The following THSD7B variants were observed in gnomAD, a reference collection of about 807,000 sequenced individuals.
THSD7B encodes the protein thrombospondin type-1 domain-containing protein 7B.
A neutral mutation model predicts 213.6 loss-of-function variants in THSD7B; 138 were observed. The ratio of observed to expected loss-of-function variants is 0.65; its 90% CI spans 0.56 to 0.74. The LOEUF is 0.74. Among genes scored for constraint, THSD7B ranks in the 30% least tolerant of loss-of-function variants. The pLI is 0.00. For synonymous variants in THSD7B, 742 were observed against 687.0 expected (o/e 1.08, Z -1.25); for missense variants, 1,931 against 1,991.5 (o/e 0.97, Z 0.58).
chr2:137,669,840 T>C (rs1683525966), intron 27 of THSD7B, among the ~76,000 whole-genome samples: 1 of 152,180 alleles, frequency 6.6e-6, no homozygotes, highest in South Asian at 2.1e-4. Context: ...TTTCCTCCAT[T>C]CCCTTCAACC....
At chr2:137,225,268 T>C (rs1311709500) in intron 7 of THSD7B, among the ~76,000 whole-genome samples, 1 of 152,218 alleles carries the variant, frequency 6.6e-6, no homozygotes, top group Non-Finnish European at 1.5e-5. Flanking sequence ...TTTTCTATGT[T>C]GGAAAAGCAT....
intron 15 of THSD7B, among the ~76,000 whole-genome samples, chr2:137,519,924 A>C (rs943455512): frequency 6.6e-6 from 1 of 152,214 alleles, no homozygotes; most frequent in Non-Finnish European, 1.5e-5. Context: ...GCAGCAAGAG[A>C]ATATAAAGTT....
intron 7 of THSD7B, among the ~76,000 whole-genome samples, chr2:137,214,176 C>A (rs1458825696): frequency 6.6e-6 from 1 of 151,930 alleles, no homozygotes; most frequent in Non-Finnish European, 1.5e-5. Context: ...TCTCATATAC[C>A]TTGTTTTTCT....
chr2:137,120,073 G>A (rs1573835232), intron 5 of THSD7B, among the ~76,000 whole-genome samples: 1 of 152,160 alleles, frequency 6.6e-6, no homozygotes, highest in East Asian at 1.9e-4. Context: ...CTGTTTAAGT[G>A]GGCTTATAGC....
At chr2:137,437,112 A>G (rs1159686251) in intron 14 of THSD7B, among the ~76,000 whole-genome samples, 1 of 152,082 alleles carries the variant, frequency 6.6e-6, no homozygotes, top group Admixed American at 6.6e-5. Context: ...CTTTTTTCCC[A>G]GATCATCTTT....
At chr2:137,551,026 A>G (rs186727391) in intron 15 of THSD7B, among the ~76,000 whole-genome samples, 57 of 151,900 alleles carry the variant, frequency 3.8e-4, no homozygotes, top group African/African-American at 1.3e-3. Context: ...TAAATAAATA[A>G]TAAAAAAGCA....
chr2:137,497,647 G>A (rs765186517), intron 15 of THSD7B, among the ~76,000 whole-genome samples: 2 of 151,844 alleles, frequency 1.3e-5, no homozygotes, highest in Non-Finnish European at 2.9e-5. Flanking sequence ...TTTCCCCAAT[G>A]AAGAATTTCC....
At chr2:137,398,475 C>G (rs1244084046) in intron 12 of THSD7B, among the ~76,000 whole-genome samples, 2 of 151,904 alleles carry the variant, frequency 1.3e-5, no homozygotes, top group South Asian at 2.1e-4. Flanking sequence ...TTAGGCTGCT[C>G]GAGGGTCAGG....
intron 14 of THSD7B, among the ~76,000 whole-genome samples, chr2:137,430,018 G>A (rs966277596): frequency 6.6e-6 from 1 of 152,050 alleles, no homozygotes; most frequent in African/African-American, 2.4e-5. Context: ...CTAGGTAGGA[G>A]GATCTCTTGA....
At chr2:137,220,426 G>C (rs147060257) in intron 7 of THSD7B, among the ~76,000 whole-genome samples, 5 of 152,272 alleles carry the variant, frequency 3.3e-5, no homozygotes, top group African/African-American at 1.2e-4. Context: ...CACATGAAAA[G>C]ATGCATCATT....
chr2:137,617,555 C>T (rs182322861), intron 18 of THSD7B, among the ~76,000 whole-genome samples: 10 of 152,222 alleles, frequency 6.6e-5, no homozygotes, highest in East Asian at 3.9e-4. Flanking sequence ...CTTTCTTTCC[C>T]GGAGCATCTC....
chr2:137,456,590 C>T (rs1375742831), intron 15 of THSD7B, among the ~76,000 whole-genome samples: 1 of 152,204 alleles, frequency 6.6e-6, no homozygotes, highest in East Asian at 1.9e-4. Context: ...GAGCCCCAGA[C>T]TTTACTGGAG....
At chr2:137,113,430 G>T (rs767393737) in intron 4 of THSD7B, among the ~76,000 whole-genome samples, 2 of 151,720 alleles carry the variant, frequency 1.3e-5, no homozygotes, top group Admixed American at 6.6e-5. Context: ...TTGTGTGTGT[G>T]TTTTTTTTGT....
chr2:137,662,885 T>C (rs981466637), intron 25 of THSD7B, among the ~76,000 whole-genome samples: 4 of 152,022 alleles, frequency 2.6e-5, no homozygotes, highest in Non-Finnish European at 1.5e-5. Context: ...TGAAACCCTG[T>C]TTCTATTAAA....
At chr2:137,457,363 C>T (rs975617974) in intron 15 of THSD7B, among the ~76,000 whole-genome samples, 2 of 152,176 alleles carry the variant, frequency 1.3e-5, no homozygotes, top group African/African-American at 2.4e-5. Context: ...CTAGAATGTT[C>T]TCTTCTAGGC....
chr2:136,925,553 G>A (rs751868265), intron 2 of THSD7B, among the ~76,000 whole-genome samples: 4 of 152,088 alleles, frequency 2.6e-5, no homozygotes, highest in African/African-American at 7.2e-5. Context: ...TTCTTTTAAT[G>A]TGCTGTTGAA....
chr2:137,477,028 A>G (rs1286913220), intron 15 of THSD7B, among the ~76,000 whole-genome samples: 1 of 152,158 alleles, frequency 6.6e-6, no homozygotes, highest in Admixed American at 6.5e-5. Context: ...TGTTAGGTCT[A>G]TTTGTTTCTA....
intron 6 of THSD7B, among the ~76,000 whole-genome samples, chr2:137,164,384 G>A (rs1218147222): frequency 1.3e-5 from 2 of 152,230 alleles, no homozygotes; most frequent in Admixed American, 6.5e-5. Flanking sequence ...GAAACAACAG[G>A]TGCTGGAGAG....
intron 12 of THSD7B, among the ~76,000 whole-genome samples, chr2:137,313,449 A>C (rs1352272706): frequency 6.6e-6 from 1 of 151,242 alleles, no homozygotes; most frequent in Non-Finnish European, 1.5e-5. Context: ...GATGGTCTTG[A>C]CTCTTTATCC....
Sources: allele counts gnomAD v4.1 joint callset (sites outside exome capture counted in the v4.1 genomes callset), GRCh38; gene constraint gnomAD v4.1.1; transcripts MANE v1.5; gene names NCBI Gene and HGNC (gene_info 2026-07-23, HGNC 2026-07-21).